The following PCDHA9 variants were observed in gnomAD, a reference collection of about 807,000 sequenced individuals.
PCDHA9 encodes protocadherin alpha 9.
Under a neutral mutation model 62.0 loss-of-function variants are expected in PCDHA9, and 62 were observed. That is an observed-to-expected ratio of 1.00 (90% confidence interval 0.81 to 1.23). PCDHA9 has a LOEUF of 1.23. Among genes scored for constraint, PCDHA9 ranks in the 50% most tolerant of loss-of-function variants. PCDHA9 has a pLI of 0.00. For missense variants in PCDHA9, 1,205 were observed against 1,249.8 expected, an observed-to-expected ratio of 0.96 and a Z score of 0.54; for synonymous variants, 557 against 567.6, an observed-to-expected ratio of 0.98 and a Z score of 0.27.
Position 140,870,720 on chromosome 5 carries a change from G to A in PCDHA9, c.2394+19831G>A, listed in dbSNP as rs544150374. ...AGTTCCAGGTGAGCGCGCGCGATGC[G>A]GGCGTGCCGCCTCTGAGCAGCAACG... On this transcript the variant is annotated intron_variant, in intron 1 of 3. Coordinates refer to ENST00000532602, the MANE Select transcript of PCDHA9 (RefSeq NM_031857.2). The A allele has an allele frequency of 3.7e-6, 6 of 1,613,204 alleles. No homozygotes were observed. In the East Asian group the frequency reaches 6.7e-5, roughly 18 times the overall value.
intron 1 of PCDHA9, among the ~76,000 whole-genome samples, chr5:140,944,520 T>G (rs1554216391): frequency 6.6e-6 from 1 of 152,140 alleles, no homozygotes; most frequent in Non-Finnish European, 1.5e-5. Flanking sequence ...TATTTTGTGC[T>G]TTAAATGATT....
chr5:140,965,690 T>G (rs1203632136), intron 1 of PCDHA9, among the ~76,000 whole-genome samples: 2 of 152,172 alleles, frequency 1.3e-5, no homozygotes, highest in Admixed American at 1.3e-4. Context: ...TGAAGCAAGA[T>G]TAGAAAAAGC....
chr5:140,939,613 A>T (rs2092423002), intron 1 of PCDHA9, among the ~76,000 whole-genome samples: 1 of 152,232 alleles, frequency 6.6e-6, no homozygotes, highest in African/African-American at 2.4e-5. Context: ...CAGAACAAGG[A>T]GACAAAAGAA....
chr5:140,850,013 C>G lies in PCDHA9; in HGVS notation c.1518C>G (p.Ser506Arg). The G allele has an allele frequency of 6.3e-7, 1 of 1,597,018 alleles. No individual in the cohort carries two copies. Among genetic ancestry groups the G allele is most frequent in the Non-Finnish European group, 8.6e-7 (1 of 1,167,834 alleles). ...ERRLGERSLS[S>R]YVSVHAESGK... ...GGTTGGGCGAGCGCTCGCTGTCGAG[C>G]TACGTGTCAGTGCACGCGGAGAGCG... The change falls in exon 1 of 4, where the codon AGC becomes AGG. Residue 506 changes from serine to arginine, a missense_variant. By Grantham distance (110) the Ser-to-Arg change is moderately radical (BLOSUM62 -1). Transcript: ENST00000532602.
chr5:140,917,450 G>A (rs1220183879), intron 1 of PCDHA9, among the ~76,000 whole-genome samples: 2 of 152,010 alleles, frequency 1.3e-5, no homozygotes, highest in Non-Finnish European at 2.9e-5. Context: ...CTGCAAGAGC[G>A]TTTGGCATCT....
intron 1 of PCDHA9, chr5:140,851,769 T>C: frequency 1.0e-6 from 1 of 967,128 alleles, no homozygotes; most frequent in Non-Finnish European, 1.2e-6. Flanking sequence ...ATTACCCTTA[T>C]GAATTTAGAT....
At chr5:140,875,951 C>T in intron 1 of PCDHA9, 1 of 1,614,116 alleles carries the variant, frequency 6.2e-7, no homozygotes, top group South Asian at 1.1e-5. Context: ...GCTTCTGATG[C>T]GGATATCGGC....
intron 1 of PCDHA9, among the ~76,000 whole-genome samples, chr5:140,918,826 C>T (rs200767772): frequency 2.0e-5 from 3 of 149,724 alleles, no homozygotes; most frequent in African/African-American, 7.4e-5. Flanking sequence ...AAGTGGCCCC[C>T]TCCCCAGACA....
rs1372096351 is a variant in PCDHA9, at chr5:140,851,273, G to A, written c.2394+384G>A. 3 of 1,057,916 alleles carry A rather than the reference G, an allele frequency of 2.8e-6. No homozygotes were observed. In the African/African-American group the frequency reaches 5.0e-5, roughly 18 times the overall value. The allele number at this position is 1,057,916 out of a possible 1,614,324, so 65.5% of individuals were successfully genotyped here. On this transcript the variant is annotated intron_variant, in intron 1 of 3. Coordinates refer to ENST00000532602, the MANE Select transcript of PCDHA9 (RefSeq NM_031857.2). ...CATAGTATTTTAGTCTACTTGTATT[G>A]TTTATAAGAAACCCAAGCAAAAATA...
chr5:140,976,933 A>G (rs1554238099), intron 1 of PCDHA9, among the ~76,000 whole-genome samples: 1 of 152,198 alleles, frequency 6.6e-6, no homozygotes, highest in African/African-American at 2.4e-5. Context: ...CTGTGTAGCT[A>G]CTTAAAACAT....
chr5:140,955,846 T>G (rs1256650141), intron 1 of PCDHA9, among the ~76,000 whole-genome samples: 1 of 152,218 alleles, frequency 6.6e-6, no homozygotes, highest in African/African-American at 2.4e-5. Context: ...GTCATTCTCC[T>G]TGAAGAGGTC....
chr5:140,877,215 A>T, intron 1 of PCDHA9: 1 of 1,613,722 alleles, frequency 6.2e-7, no homozygotes, highest in Non-Finnish European at 8.5e-7. Context: ...GCGAGTTGGT[A>T]CCGCGGTCGG....
intron 3 of PCDHA9, among the ~76,000 whole-genome samples, chr5:141,007,672 A>G (rs782403242): frequency 6.6e-6 from 1 of 152,194 alleles, no homozygotes; most frequent in African/African-American, 2.4e-5. Context: ...TACAAAGACA[A>G]AAGTTATCCT....
chr5:140,869,043 A>G, intron 1 of PCDHA9: 2 of 1,530,132 alleles, frequency 1.3e-6, no homozygotes, highest in Non-Finnish European at 1.8e-6. Flanking sequence ...TTAACCTGAA[A>G]CTGAAGAATC....
chr5:140,990,729 C>G (rs2097409512), intron 3 of PCDHA9, among the ~76,000 whole-genome samples: 1 of 152,134 alleles, frequency 6.6e-6, no homozygotes, highest in Non-Finnish European at 1.5e-5. Flanking sequence ...CTAGGTATAT[C>G]AACAGCCCTA....
Position 140,914,628 on chromosome 5 carries a change from G to A in PCDHA9, c.2394+63739G>A, listed in dbSNP as rs540654869. 1.3e-4 allele frequency among the ~76,000 whole-genome samples: 19 copies of A among 151,834 alleles called. No homozygotes were observed. The South Asian group carries it at 1.7e-3, about 13-fold the overall frequency. ...CTGCCATTTTGTAATTTGTTTTCTC[G>A]TGGTTTCATGGTCATCTCTCCCTTC... is the stretch of plus-strand genomic sequence containing the variant. On this transcript the variant is annotated intron_variant, in intron 1 of 3. Transcript: ENST00000532602.
At chr5:140,933,036 A>G (rs545196190) in intron 1 of PCDHA9, among the ~76,000 whole-genome samples, 5 of 152,154 alleles carry the variant, frequency 3.3e-5, no homozygotes, top group South Asian at 4.1e-4. Context: ...CTTCAAGTGA[A>G]TATGGATTAC....
chr5:140,958,724 A>G (rs1563299236), intron 1 of PCDHA9, among the ~76,000 whole-genome samples: 1 of 152,188 alleles, frequency 6.6e-6, no homozygotes, highest in Admixed American at 6.5e-5. Context: ...TAAATGTAAC[A>G]CTGAATGGGA....
At chr5:140,853,917 C>A (rs2042908511) in intron 1 of PCDHA9, 1 of 942,718 alleles carries the variant, frequency 1.1e-6, no homozygotes, top group Non-Finnish European at 1.3e-6. Flanking sequence ...ACCTGCAATC[C>A]CAACATTTTG....
Sources: allele counts gnomAD v4.1 joint callset (sites outside exome capture counted in the v4.1 genomes callset), GRCh38; gene constraint gnomAD v4.1.1; transcripts MANE v1.5; gene names NCBI Gene and HGNC (gene_info 2026-07-23, HGNC 2026-07-21).